The following EFCAB6 variants were observed in gnomAD, a reference collection of about 807,000 sequenced individuals.
The protein encoded by EFCAB6 is EF-hand calcium binding domain 6, also known as EF-hand calcium-binding domain-containing protein 6.
A neutral mutation model predicts 169.8 loss-of-function variants in EFCAB6; 156 were observed. That is an observed-to-expected ratio of 0.92 (90% CI 0.81 to 1.05). EFCAB6 has a LOEUF of 1.05. Ranked by LOEUF, EFCAB6 falls within the 50% of genes least tolerant of loss-of-function variation. The pLI is 0.00. For missense variants in EFCAB6, 1,800 were observed against 1,829.1 expected, an observed-to-expected ratio of 0.98 and a Z score of 0.29; for synonymous variants, 698 against 676.4, an observed-to-expected ratio of 1.03 and a Z score of -0.50.
At chr22:43,660,037 G>C (rs6006520) in intron 17 of EFCAB6, among the ~76,000 whole-genome samples, 2 of 152,148 alleles carry the variant, frequency 1.3e-5, no homozygotes, top group South Asian at 4.1e-4. Context: ...TCCAGAGGCC[G>C]AGGTGGGGTC....
intron 30 of EFCAB6, among the ~76,000 whole-genome samples, 165 bp downstream of exon 30, chr22:43,534,523 T>C (rs1257372814): frequency 6.6e-6 from 1 of 152,200 alleles, no homozygotes; most frequent in African/African-American, 2.4e-5. Context: ...TTAGTTGGGA[T>C]GCTGAAGCAG....
At chr22:43,811,950 G>T (rs1377435399) in intron 1 of EFCAB6, among the ~76,000 whole-genome samples, 1 of 152,160 alleles carries the variant, frequency 6.6e-6, no homozygotes, top group African/African-American at 2.4e-5. Context: ...ACGGGAACAG[G>T]GGCCCTACTG....
chr22:43,794,271 T>A (rs189773542), intron 2 of EFCAB6, among the ~76,000 whole-genome samples: 1 of 152,200 alleles, frequency 6.6e-6, no homozygotes, highest in Non-Finnish European at 1.5e-5. Flanking sequence ...TAACCGAGCA[T>A]CTATTTTGCT....
In EFCAB6 at chr22:43,724,831, T is replaced by C. The variant is rs1157742431; in HGVS notation, c.757+6868A>G. ...GCTTTTTCTAGCCTGCTCCTCCAAA[T>C]ACTTCCAGCCTTTGCCAATTACCTA... On this transcript the variant is annotated intron_variant, in intron 8 of 31. Transcript: ENST00000262726. 3.3e-5 allele frequency among the ~76,000 whole-genome samples: 5 copies of C among 152,246 alleles called. No homozygotes were observed. In the East Asian group the frequency reaches 7.7e-4, roughly 23 times the overall value.
intron 2 of EFCAB6, chr22:43,797,475 C>T (rs887557390): frequency 6.6e-6 from 1 of 152,370 alleles, no homozygotes; most frequent in African/African-American, 2.4e-5. Context: ...TGCAAGCTAC[C>T]GGAGAACTGT....
intron 6 of EFCAB6, among the ~76,000 whole-genome samples, chr22:43,738,237 A>T (rs2060235333): frequency 7.0e-6 from 1 of 142,760 alleles, no homozygotes; most frequent in Non-Finnish European, 1.5e-5. Flanking sequence ...CATTCACACC[A>T]TCACACACAC....
chr22:43,648,606 C>T lies in EFCAB6; in HGVS notation c.1984-13390G>A, dbSNP rs1477392540. 2.6e-5 allele frequency among the ~76,000 whole-genome samples: 4 copies of T among 152,150 alleles called. No individual in the cohort carries two copies. The East Asian group carries it at 5.8e-4, about 22-fold the overall frequency. On this transcript the variant is annotated intron_variant, in intron 17 of 31. Transcript: ENST00000262726. ...GGGCTGAAAAACCACCTGTTGGGTA[C>T]TATGCTCACTACCTGGGTGGCGGGA...
At chr22:43,687,028 G>A (rs1165712146) in intron 11 of EFCAB6, among the ~76,000 whole-genome samples, 1 of 152,006 alleles carries the variant, frequency 6.6e-6, no homozygotes, top group Non-Finnish European at 1.5e-5. Context: ...ATGATATCTG[G>A]GCCACTCAGT....
At chr22:43,655,558 G>T (rs191496641) in intron 17 of EFCAB6, among the ~76,000 whole-genome samples, 1 of 148,760 alleles carries the variant, frequency 6.7e-6, no homozygotes, top group Non-Finnish European at 1.5e-5. Flanking sequence ...CTAAAAGAAG[G>T]CAACAAAGGA....
At chr22:43,711,361 A>T in intron 10 of EFCAB6, 114 bp downstream of exon 10, 2 of 1,146,422 alleles carry the variant, frequency 1.7e-6, no homozygotes, top group South Asian at 2.0e-5. Flanking sequence ...TATACGTTTT[A>T]AATTTTCAGT....
At chr22:43,782,877 T>A (rs1408002812) in intron 2 of EFCAB6, among the ~76,000 whole-genome samples, 2 of 152,164 alleles carry the variant, frequency 1.3e-5, no homozygotes, top group African/African-American at 4.8e-5. Flanking sequence ...TGGCTGAATC[T>A]CAATATGAAG....
intron 10 of EFCAB6, among the ~76,000 whole-genome samples, chr22:43,704,761 A>C (rs1372169985): frequency 6.6e-6 from 1 of 152,158 alleles, no homozygotes; most frequent in Non-Finnish European, 1.5e-5. Context: ...TAGTAGATGC[A>C]CAAAACAAAA....
chr22:43,562,537 G>GGA (rs1291161053), intron 26 of EFCAB6, among the ~76,000 whole-genome samples: 15 of 147,556 alleles, frequency 1.0e-4, no homozygotes, highest in African/African-American at 1.2e-4. Context: ...CCGGTCAGGG[G>GGA]TGGGAGGGAG....
intron 26 of EFCAB6, among the ~76,000 whole-genome samples, chr22:43,569,140 C>T (rs559522158): frequency 3.5e-4 from 53 of 152,326 alleles, no homozygotes; most frequent in African/African-American, 1.2e-3. Flanking sequence ...GGGACTCATA[C>T]TCCTTTCTAA....
At chr22:43,578,362 T>C (rs1483176355) in intron 25 of EFCAB6, among the ~76,000 whole-genome samples, 1 of 152,156 alleles carries the variant, frequency 6.6e-6, no homozygotes, top group Non-Finnish European at 1.5e-5. Flanking sequence ...TTAGAAGGGA[T>C]GTTCACTGTG....
intron 17 of EFCAB6, among the ~76,000 whole-genome samples, chr22:43,637,109 C>T (rs1473939196): frequency 6.6e-6 from 1 of 152,156 alleles, no homozygotes; most frequent in African/African-American, 2.4e-5. Flanking sequence ...TTTGTGGAGC[C>T]TGAAAGGATG....
At position 43,765,286 on chromosome 22, in the gene EFCAB6, G is replaced by A. The variant is rs545343403; in HGVS notation, c.440+19C>T. On this transcript the variant is annotated intron_variant, in intron 5 of 31. Coordinates refer to ENST00000262726, the MANE Select transcript of EFCAB6 (RefSeq NM_022785.4). ...CATTTCAAATTTCACATTTTCACAT[G>A]AGCAAACCAAACACTTACCTCTTTA... 7.6e-5 allele frequency: 121 copies of A among 1,592,846 alleles called. No individual in the cohort carries two copies. The South Asian group carries it at 1.2e-3, about 15-fold the overall frequency.
At chr22:43,550,202 C>A (rs1168472555) in intron 27 of EFCAB6, among the ~76,000 whole-genome samples, 1 of 152,052 alleles carries the variant, frequency 6.6e-6, no homozygotes, top group African/African-American at 2.4e-5. Flanking sequence ...CTGTGCATCC[C>A]CACTTCACCG....
chr22:43,576,233 A>C (rs1253879488), intron 26 of EFCAB6, 64 bp downstream of exon 26: 1 of 1,435,056 alleles, frequency 7.0e-7, no homozygotes, highest in Non-Finnish European at 9.4e-7. Context: ...TCAATTATCC[A>C]TTTTGTAAAA....
Sources: allele counts gnomAD v4.1 joint callset (sites outside exome capture counted in the v4.1 genomes callset), GRCh38; gene constraint gnomAD v4.1.1; transcripts MANE v1.5; gene names NCBI Gene and HGNC (gene_info 2026-07-23, HGNC 2026-07-21).